Variants in DNAH5 observed in about 807,000 individuals in gnomAD.
The protein encoded by DNAH5 is axonemal beta dynein heavy chain 5.
A neutral mutation model predicts 518.2 loss-of-function variants in DNAH5; 372 were observed. That is an observed-to-expected ratio of 0.72 (90% CI 0.66 to 0.78). The LOEUF (loss-of-function observed/expected upper bound fraction) is 0.78. Among genes scored for constraint, DNAH5 ranks in the 30% least tolerant of loss-of-function variants. DNAH5 has a pLI of 0.00. For missense variants in DNAH5, 5,523 were observed against 5,687.0 expected (o/e 0.97, Z 0.93); for synonymous variants, 2,039 against 2,025.9 (o/e 1.01, Z -0.17).
intron 64 of DNAH5, among the ~76,000 whole-genome samples, 172 bp from the exon 65 acceptor site, chr5:13,751,432 G>A (rs545420950): frequency 6.6e-6 from 1 of 152,262 alleles, no homozygotes; most frequent in African/African-American, 2.4e-5. Flanking sequence ...TAGGATGAAA[G>A]AAAGGAAGCA....
At chr5:13,894,876 TA>T in intron 15 of DNAH5, 55 bp from the exon 16 acceptor site, 1 of 1,574,754 alleles carries the variant, frequency 6.4e-7, no homozygotes, top group Non-Finnish European at 8.7e-7. Context: ...TAATGTCTGT[TA>T]ATATCTCATG....
At chr5:13,781,290 T>A (rs763498101) in intron 52 of DNAH5, among the ~76,000 whole-genome samples, 1 of 152,166 alleles carries the variant, frequency 6.6e-6, no homozygotes. Context: ...TCCTGTTAGT[T>A]GGTCTGACCT....
chr5:13,705,962 A>G (rs576167428), intron 76 of DNAH5, among the ~76,000 whole-genome samples: 1 of 152,244 alleles, frequency 6.6e-6, no homozygotes, highest in South Asian at 2.1e-4. Context: ...ACGGCTGGCC[A>G]ACAGTTCTAT....
chr5:13,811,101 G>T (rs75379250), intron 44 of DNAH5, among the ~76,000 whole-genome samples: 3,234 of 152,034 alleles, frequency 0.021, 96 homozygotes, highest in African/African-American at 0.071. Context: ...GGGGAGGGGT[G>T]AGGAAATGGG....
chr5:13,721,956 G>A (rs143812011), intron 70 of DNAH5, among the ~76,000 whole-genome samples: 120 of 152,276 alleles, frequency 7.9e-4, no homozygotes, highest in African/African-American at 2.8e-3. Context: ...ATGATCCTTA[G>A]TCTATATTCT....
chr5:13,869,999 T>G (rs1166352067), intron 24 of DNAH5, among the ~76,000 whole-genome samples: 2 of 152,086 alleles, frequency 1.3e-5, no homozygotes, highest in Non-Finnish European at 2.9e-5. Flanking sequence ...ACTATGTATG[T>G]TGATAATATT....
At chr5:13,765,062 G>C (rs942820272) in intron 59 of DNAH5, among the ~76,000 whole-genome samples, 1 of 152,112 alleles carries the variant, frequency 6.6e-6, no homozygotes, top group Non-Finnish European at 1.5e-5. Flanking sequence ...TACAAGTATT[G>C]TATCTACATG....
chr5:13,751,159 A>G lies in DNAH5; in HGVS notation c.11130T>C (p.Arg3710=), dbSNP rs765391783. Residue 3710 remains arginine (R), a synonymous_variant, in exon 65 of 79, where the codon CGT becomes CGC. Transcript: ENST00000265104. ...NPAYTPEISA[R]TSIIDFTVTM... Reference sequence around the variant, plus strand: ...TGACAGTGAAGTCAATGATGGAGGTACGGGCACTTATCTCAGGGGTGTAGG... The same window carrying G: ...TGACAGTGAAGTCAATGATGGAGGTGCGGGCACTTATCTCAGGGGTGTAGG... 5 of 1,614,022 alleles carry G rather than the reference A, an allele frequency of 3.1e-6. No individual in the cohort carries two copies. The highest frequency in any genetic ancestry group is 1.7e-4 in the Middle Eastern group (1 of 6,058).
intron 75 of DNAH5, among the ~76,000 whole-genome samples, chr5:13,713,852 AAATT>A (rs988782990): frequency 2.6e-5 from 4 of 152,156 alleles, no homozygotes; most frequent in Non-Finnish European, 5.9e-5. Flanking sequence ...AAACTTTTGA[AAATT>A]AATTCAATTT....
intron 12 of DNAH5, among the ~76,000 whole-genome samples, chr5:13,907,738 A>C (rs2151972211): frequency 7.5e-6 from 1 of 133,852 alleles, no homozygotes; most frequent in Admixed American, 7.4e-5. Flanking sequence ...GCTTTAGTGC[A>C]GAGCTATAAT....
rs745688332 is a variant in DNAH5 at position 13,841,078 on chromosome 5, A to C, written c.5537T>G (p.Leu1846Arg). 1 of 1,614,034 alleles carries C rather than the reference A, an allele frequency of 6.2e-7. No homozygotes were observed. The highest frequency in any genetic ancestry group is 1.7e-5 in the Admixed American group (1 of 60,008). The change falls in exon 34 of 79, where the codon CTT (leucine) becomes CGT (arginine). Residue 1846 changes from leucine (L) to arginine (R), a missense_variant. Leu to Arg is a moderately radical substitution (Grantham distance 102). This residue lies in a region of DNAH5 where 5,121 missense variants were observed against 5,223.3 expected (regional missense o/e 0.98). Transcript: ENST00000265104. Reference sequence around the variant, plus strand: ...TTTTTTATCAAACTTGGCATTTCTAAGGGCTTCTTCTGAATCCCGTGTCCA... The same window carrying C: ...TTTTTTATCAAACTTGGCATTTCTACGGGCTTCTTCTGAATCCCGTGTCCA... ...MIWTRDSEEA[L>R]RNAKFDKKIM...
At chr5:13,857,186 GC>G (rs1767752571) in intron 30 of DNAH5, among the ~76,000 whole-genome samples, 1 of 152,160 alleles carries the variant, frequency 6.6e-6, no homozygotes, top group African/African-American at 2.4e-5. Flanking sequence ...AAATCAATGT[GC>G]AAAAATCACA....
upstream of DNAH5, among the ~76,000 whole-genome samples, chr5:13,945,246 G>T (rs2152030004): frequency 6.6e-6 from 1 of 152,358 alleles, no homozygotes; most frequent in African/African-American, 2.4e-5. Context: ...GATCTCTCAT[G>T]TATGGTTTCT....
chr5:13,696,525 A>G (rs76540995), intron 78 of DNAH5, among the ~76,000 whole-genome samples: 4,733 of 152,236 alleles, frequency 0.031, 225 homozygotes, highest in African/African-American at 0.1. Flanking sequence ...AACCAGTCCT[A>G]TATCTATATT....
intron 51 of DNAH5, among the ~76,000 whole-genome samples, chr5:13,787,538 C>T (rs1402099616): frequency 6.6e-6 from 1 of 152,140 alleles, no homozygotes; most frequent in Non-Finnish European, 1.5e-5. Flanking sequence ...CCAAATCAAG[C>T]TTTGAGAAAT....
At position 14,004,749 on chromosome 5, in the gene DNAH5, T is replaced by C. The variant is rs931149732; in HGVS notation, c.12+6899A>G. Among the ~76,000 whole-genome samples the C allele has an allele frequency of 9.2e-5, 14 of 152,234 alleles. No individual in the cohort carries two copies. The East Asian group carries it at 2.3e-3, about 25-fold the overall frequency. On this transcript the variant is annotated intron_variant, in intron 1 of 78. Coordinates refer to the DNAH5 transcript ENST00000681290. Reference sequence around the variant, plus strand: ...AGAAATTATGACTACTTTTCCATCTTTCTTTTCTAGTATTGGTTATGCTGC... The same window carrying C: ...AGAAATTATGACTACTTTTCCATCTCTCTTTTCTAGTATTGGTTATGCTGC...
At chr5:13,785,632 C>T (rs1755868006) in intron 52 of DNAH5, among the ~76,000 whole-genome samples, 1 of 152,142 alleles carries the variant, frequency 6.6e-6, no homozygotes, top group Admixed American at 6.6e-5. Flanking sequence ...TTTCATCTTG[C>T]AAAACTAAAA....
chr5:13,987,362 T>C (rs1254588833), intron 1 of DNAH5, among the ~76,000 whole-genome samples: 1 of 152,006 alleles, frequency 6.6e-6, no homozygotes, highest in Non-Finnish European at 1.5e-5. Context: ...TTCTGATAAC[T>C]GAAAATGTAA....
chr5:14,010,531 T>A (rs767740579), intron 1 of DNAH5, among the ~76,000 whole-genome samples: 6 of 152,146 alleles, frequency 3.9e-5, no homozygotes, highest in Non-Finnish European at 8.8e-5. Context: ...AGTAACAATG[T>A]CACCTGTCAT....
Sources: allele counts gnomAD v4.1 joint callset (sites outside exome capture counted in the v4.1 genomes callset), GRCh38; gene constraint gnomAD v4.1.1; regional missense constraint gnomAD v4.1.1; transcripts MANE v1.5; gene names NCBI Gene and HGNC (gene_info 2026-07-23, HGNC 2026-07-21).